Variants in AKT2 observed in about 807,000 individuals in gnomAD.
The protein encoded by AKT2 is RAC-beta serine/threonine-protein kinase.
Under a neutral mutation model 58.6 loss-of-function variants are expected in AKT2, and 16 were observed. That is an observed-to-expected ratio of 0.27 (90% CI 0.18 to 0.41). The LOEUF (loss-of-function observed/expected upper bound fraction) is 0.41, where lower values mean the gene tolerates loss of function less well. Among genes scored for constraint, AKT2 ranks in the 10% least tolerant of loss-of-function variants. The pLI is 1.00. For missense variants in AKT2, 438 were observed against 661.0 expected (o/e 0.66, Z 3.70); for synonymous variants, 253 against 254.0 (o/e 1.00, Z 0.04).
At chr19:40,269,808 T>G (rs1021581099) in intron 1 of AKT2, among the ~76,000 whole-genome samples, 1 of 152,172 alleles carries the variant, frequency 6.6e-6, no homozygotes, top group Non-Finnish European at 1.5e-5. Flanking sequence ...GAGAATGTTA[T>G]AGAGTGAAAG....
intron 1 of AKT2, among the ~76,000 whole-genome samples, chr19:40,272,515 G>A (rs764305940): frequency 2.0e-4 from 30 of 152,256 alleles, no homozygotes; most frequent in Middle Eastern, 3.4e-3. Flanking sequence ...GAATGCAGGC[G>A]GGATGCCTTT....
At chr19:40,248,995 CAGGAGATGAGGACAGGGAGGAGTGG>C (rs1600019150) in intron 4 of AKT2, among the ~76,000 whole-genome samples, 21 of 49,042 alleles carry the variant, frequency 4.3e-4, no homozygotes, top group African/African-American at 1.5e-3. Context: ...GAGAGGAGTG[CAGGAGATGAGGACAGGGAGGAGTGG>C]AGGAGATGAG....
At chr19:40,273,975 A>G (rs1267050536) in intron 1 of AKT2, among the ~76,000 whole-genome samples, 1 of 151,076 alleles carries the variant, frequency 6.6e-6, no homozygotes, top group African/African-American at 2.4e-5. Flanking sequence ...CCAACACACA[A>G]TCTCCCCTTC....
At chr19:40,251,569 T>TA (rs1391777470) in intron 4 of AKT2, among the ~76,000 whole-genome samples, 1 of 151,192 alleles carries the variant, frequency 6.6e-6, no homozygotes, top group Non-Finnish European at 1.5e-5. Context: ...AATAAATTAA[T>TA]AAAAAATCAA....
intron 2 of AKT2, among the ~76,000 whole-genome samples, chr19:40,258,557 T>G (rs1344303615): frequency 6.6e-6 from 1 of 151,050 alleles, no homozygotes; most frequent in African/African-American, 2.4e-5. Context: ...TCCCAGCTAC[T>G]CAGGAGGCCG....
intron 1 of AKT2, among the ~76,000 whole-genome samples, chr19:40,269,827 A>C (rs1976590536): frequency 6.6e-6 from 1 of 151,970 alleles, no homozygotes; most frequent in African/African-American, 2.4e-5. Flanking sequence ...AGAAGTCAGC[A>C]CTCTGCCCAC....
chr19:40,251,140 A>G (rs1432135847), intron 4 of AKT2, among the ~76,000 whole-genome samples: 1 of 151,376 alleles, frequency 6.6e-6, no homozygotes, highest in East Asian at 2.0e-4. Context: ...GGAGTTTGAG[A>G]CTGCAGTGAG....
chr19:40,275,891 T>C (rs187527820), intron 1 of AKT2, among the ~76,000 whole-genome samples: 43 of 149,942 alleles, frequency 2.9e-4, no homozygotes, highest in African/African-American at 9.6e-4. Context: ...TAGGCGCCTG[T>C]AATCCCAGCT....
rs1386647148 is a variant in AKT2, at chr19:40,285,224, C to G, written c.-128G>C. The G allele has an allele frequency of 5.1e-6, 2 of 395,252 alleles. No homozygotes were observed. The highest frequency in any genetic ancestry group is 8.9e-6 in the Non-Finnish European group (2 of 223,864). The allele number at this position is 395,252 out of a possible 1,614,324, so 24.5% of individuals were successfully genotyped here. ...CAGCCTCTCCGGCGGGGCTCTACCC[C>G]CGCCCATCGCCACGCTGCGCTGGTT... On this transcript the variant is annotated 5_prime_UTR_variant, in exon 1 of 14. Transcript: ENST00000392038.
intron 2 of AKT2, 101 bp from the exon 3 acceptor site, chr19:40,257,155 T>C: frequency 6.8e-7 from 1 of 1,475,168 alleles, no homozygotes; most frequent in Non-Finnish European, 9.4e-7. Flanking sequence ...TCACAAGGGG[T>C]ACCACGGGGC....
chr19:40,271,225 ATACACACATATATATG>A (rs2077208121), intron 1 of AKT2, among the ~76,000 whole-genome samples: 1 of 147,666 alleles, frequency 6.8e-6, no homozygotes, highest in Non-Finnish European at 1.5e-5. Context: ...ATATATATAT[ATACACACATATATATG>A]TATATATACA....
chr19:40,245,008 G>C (rs1342202135), intron 4 of AKT2, among the ~76,000 whole-genome samples: 1 of 152,200 alleles, frequency 6.6e-6, no homozygotes, highest in Admixed American at 6.5e-5. Flanking sequence ...CTCACAGTTG[G>C]GGTCTGTCTT....
At chr19:40,241,579 T>G in intron 6 of AKT2, 1 of 308,248 alleles carries the variant, frequency 3.2e-6, no homozygotes, top group Non-Finnish European at 6.2e-6. Flanking sequence ...AAAAGTAGAA[T>G]TCCACTCCTG....
intron 1 of AKT2, among the ~76,000 whole-genome samples, chr19:40,266,595 T>C (rs1276999174): frequency 6.6e-6 from 1 of 152,130 alleles, no homozygotes; most frequent in Non-Finnish European, 1.5e-5. Context: ...GCCAGCAACA[T>C]GCCCGGCACC....
chr19:40,274,989 G>A (rs1248704740), intron 1 of AKT2: 1 of 441,858 alleles, frequency 2.3e-6, no homozygotes, highest in Non-Finnish European at 4.6e-6. Context: ...GCTGTCCCCA[G>A]AATAAGCCCT....
rs1157851432 is a variant in AKT2, at chr19:40,258,264, C to CA, written c.47-1211dup. ...CGTCTCGAAAAAAAAAAAAAAAAAA[C>CA]AAAAAAAAAAACCTGAGTATGGTGA... On this transcript the variant is annotated intron_variant, in intron 2 of 13. Transcript: ENST00000392038. Among the ~76,000 whole-genome samples the CA allele has an allele frequency of 6.1e-3, 647 of 105,234 alleles. 3 individuals carry two copies. Among genetic ancestry groups the CA allele is most frequent in the African/African-American group, 0.013 (337 of 26,544 alleles). The allele number at this position is 105,234 out of a possible 152,430, so 69.0% of individuals were successfully genotyped here. A position where few individuals can be genotyped will look rare whatever the true frequency, so the allele number is the denominator to read the frequency against.
chr19:40,233,187 G>A lies in AKT2; in HGVS notation c.*685C>T, dbSNP rs1297185019. 6 of 263,236 alleles carry A rather than the reference G, an allele frequency of 2.3e-5. No homozygotes were observed. The highest frequency in any genetic ancestry group is 1.3e-4 in the African/African-American group (6 of 46,210). 16.3% of individuals were successfully genotyped at this position (263,236 alleles called of 1,614,324 possible). ...TCCTCCTGCCTCATCCATAGGGTGA[G>A]GACAGTTTGGTGGGGAGGAGGCCGG... On this transcript the variant is annotated 3_prime_UTR_variant, in exon 14 of 14. Transcript: ENST00000392038. The surrounding 1 kb of genome is among the most constrained non-coding windows in gnomAD (Gnocchi z 4.3).
chr19:40,264,299 G>A (rs936590289), intron 2 of AKT2, among the ~76,000 whole-genome samples: 5 of 152,146 alleles, frequency 3.3e-5, no homozygotes, highest in South Asian at 2.1e-4. Flanking sequence ...CCAGTCTTGC[G>A]TGGCAGCCAC....
intron 4 of AKT2, among the ~76,000 whole-genome samples, chr19:40,250,795 T>A (rs1025739484): frequency 3.3e-5 from 5 of 152,066 alleles, no homozygotes; most frequent in Non-Finnish European, 7.4e-5. Flanking sequence ...GCCACTGCAC[T>A]GCAGCCTGGG....
Sources: gnomAD v4.1 joint callset for allele counts (sites outside exome capture counted in the v4.1 genomes callset) on GRCh38, gnomAD v4.1.1 for gene constraint, Gnocchi (gnomAD v3.1) non-coding constraint, MANE v1.5 for transcripts, NCBI Gene and HGNC (gene_info 2026-07-23, HGNC 2026-07-21) for gene names.